Variants in C14orf39 observed in about 807,000 individuals in gnomAD.
C14orf39 encodes the protein protein SIX6OS1.
In C14orf39, 66 loss-of-function variants were observed where a neutral mutation model predicts 85.6. The observed-to-expected ratio is 0.77, with a 90% confidence interval of 0.63 to 0.95. The LOEUF (loss-of-function observed/expected upper bound fraction) is 0.95. Ranked by LOEUF, C14orf39 falls within the 40% of genes least tolerant of loss-of-function variation. C14orf39 has a pLI of 0.00. For synonymous variants in C14orf39, 242 were observed against 214.0 expected, an observed-to-expected ratio of 1.13 and a Z score of -1.14; for missense variants, 735 against 663.9, an observed-to-expected ratio of 1.11 and a Z score of -1.18.
Position 60,455,099 on chromosome 14 carries a change from A to C in C14orf39, c.1405T>G (p.Ser469Ala). 6.4e-7 allele frequency: 1 copy of C among 1,571,216 alleles called. No individual in the cohort carries two copies. Among genetic ancestry groups the C allele is most frequent in the Non-Finnish European group, 8.6e-7 (1 of 1,164,548 alleles). ...CTCATAAGAAAAGAAAGTCCAGGGG[A>C]TTCCTTTTCTGTTTGAACTTCAGGT... ...AVPEVQTEKESPGLSFLMSYT... is the reference protein window; with the variant it reads ...AVPEVQTEKEAPGLSFLMSYT... The change falls in exon 16 of 18, where the codon TCC (serine) becomes GCC (alanine). Residue 469 changes from serine to alanine, a missense_variant. By Grantham distance (99) the Ser-to-Ala change is moderately conservative. Coordinates refer to ENST00000321731, the MANE Select transcript of C14orf39 (RefSeq NM_174978.3).
chr14:60,448,005 A>G (rs947323202), intron 16 of C14orf39, among the ~76,000 whole-genome samples: 3 of 152,216 alleles, frequency 2.0e-5, no homozygotes, highest in Non-Finnish European at 4.4e-5. Context: ...GAAAGCTGAA[A>G]CTGGATCCCT....
chr14:60,478,241 A>G (rs11845369), intron 5 of C14orf39, 59 bp downstream of exon 5: 539,186 of 624,998 alleles, frequency 0.86, 236,202 homozygotes, highest in Non-Finnish European at 0.9. Context: ...ACATTCTTAC[A>G]CACCATGTCC....
intron 17 of C14orf39, among the ~76,000 whole-genome samples, chr14:60,438,677 T>G (rs1890369152): frequency 6.6e-6 from 1 of 152,068 alleles, no homozygotes; most frequent in African/African-American, 2.4e-5. Flanking sequence ...AAAGAAGAGA[T>G]ATTCAGAAAA....
chr14:60,443,565 C>T (rs992586098), intron 16 of C14orf39, among the ~76,000 whole-genome samples: 14 of 152,232 alleles, frequency 9.2e-5, no homozygotes, highest in African/African-American at 3.4e-4. Context: ...AGGCCTACTG[C>T]CTCTATAGAC....
At chr14:60,514,587 C>CGAA (rs1399494520) in intron 1 of C14orf39, among the ~76,000 whole-genome samples, 1 of 152,134 alleles carries the variant, frequency 6.6e-6, no homozygotes, top group African/African-American at 2.4e-5. Flanking sequence ...CCCTCCTTTC[C>CGAA]CTTCGCCAGT....
chr14:60,460,935 G>A (rs1017696031), intron 13 of C14orf39, among the ~76,000 whole-genome samples: 17 of 151,202 alleles, frequency 1.1e-4, no homozygotes, highest in African/African-American at 2.2e-4. Context: ...AGTAAATTAT[G>A]GCATATCCAC....
At chr14:60,513,832 A>G (rs190037400) in intron 1 of C14orf39, among the ~76,000 whole-genome samples, 1 of 152,372 alleles carries the variant, frequency 6.6e-6, no homozygotes, top group African/African-American at 2.4e-5. Flanking sequence ...TATTGCTTGG[A>G]CAAAAAGAGA....
chr14:60,454,334 G>A (rs1891168572), intron 16 of C14orf39, among the ~76,000 whole-genome samples: 1 of 151,752 alleles, frequency 6.6e-6, no homozygotes, highest in Admixed American at 6.6e-5. Flanking sequence ...TTTTCTAAGT[G>A]CTTTATGTGT....
At chr14:60,511,707 T>C (rs1303502285) in intron 1 of C14orf39, 1 of 243,386 alleles carries the variant, frequency 4.1e-6, no homozygotes, top group Non-Finnish European at 8.1e-6. Context: ...TCTCTGTAGC[T>C]TGGGGAACTT....
chr14:60,502,460 C>T (rs1362845028), intron 1 of C14orf39, among the ~76,000 whole-genome samples: 1 of 151,972 alleles, frequency 6.6e-6, no homozygotes, highest in African/African-American at 2.4e-5. Flanking sequence ...AAGATAAAAA[C>T]TAAATACTAA....
At chr14:60,482,984 G>A (rs1028777872) in intron 4 of C14orf39, among the ~76,000 whole-genome samples, 5 of 151,742 alleles carry the variant, frequency 3.3e-5, no homozygotes, top group Admixed American at 3.3e-4. Context: ...AGGATGACAG[G>A]GTAGGGGACG....
chr14:60,484,199 T>C lies in C14orf39; in HGVS notation c.107-382A>G, dbSNP rs1182022429. ...CCTTCTGTTTTTGACAAATGTGAAA[T>C]TTCTATTCATCAATTCTATGTCAAT... On this transcript the variant is annotated intron_variant, in intron 3 of 17. Transcript: ENST00000321731. The surrounding 1 kb of genome is among the most constrained non-coding windows in gnomAD (Gnocchi z 4.2). Among the ~76,000 whole-genome samples, 2 of 152,206 alleles carry C rather than the reference T, an allele frequency of 1.3e-5. No individual in the cohort carries two copies. Among genetic ancestry groups the C allele is most frequent in the African/African-American group, 4.8e-5 (2 of 41,442 alleles).
chr14:60,485,007 C>A, intron 2 of C14orf39, 23 bp downstream of exon 2: 1 of 1,591,396 alleles, frequency 6.3e-7, no homozygotes. Flanking sequence ...AAAAAGCTAC[C>A]TATTTTTTCA....
chr14:60,511,182 C>T lies in C14orf39; in HGVS notation c.-144+4213G>A, dbSNP rs200339406. Reference sequence around the variant, plus strand: ...CTGGGCGTCGCCACCAGCCCGGCCGCCAGTCTATCCAGCAAGGCGGCCACT... The same window carrying T: ...CTGGGCGTCGCCACCAGCCCGGCCGTCAGTCTATCCAGCAAGGCGGCCACT... On this transcript the variant is annotated intron_variant, in intron 1 of 5. Transcript: ENST00000556799. 2.5e-6 allele frequency: 4 copies of T among 1,613,028 alleles called. No homozygotes were observed. In the Admixed American group the frequency reaches 5.0e-5, roughly 20 times the overall value.
At chr14:60,490,237 T>C (rs1231004614), upstream of C14orf39, among the ~76,000 whole-genome samples, 1 of 152,124 alleles carries the variant, frequency 6.6e-6, no homozygotes, top group African/African-American at 2.4e-5. Context: ...AGACCTCTAG[T>C]ATCAATCCAA....
intron 10 of C14orf39, 22 bp from the exon 11 acceptor site, chr14:60,466,077 C>G (rs1413585343): frequency 8.3e-7 from 1 of 1,203,242 alleles, no homozygotes. Flanking sequence ...AATAGTACTA[C>G]TTTAAATCAA....
chr14:60,507,900 A>G (rs1245956712), intron 1 of C14orf39, among the ~76,000 whole-genome samples: 1 of 152,070 alleles, frequency 6.6e-6, no homozygotes, highest in Non-Finnish European at 1.5e-5. Flanking sequence ...ATTTTCTTCA[A>G]ACTAAACAAA....
Position 60,481,127 on chromosome 14 carries a change from A to G in C14orf39, c.233+2564T>C, listed in dbSNP as rs187560062. On this transcript the variant is annotated intron_variant, in intron 4 of 17. Transcript: ENST00000321731. ...TTTTTAATATTCTCATCACAAAAAAATAAGTTGGTAAGGTGATGAATATCT... is the reference window on the plus strand; with the variant it reads ...TTTTTAATATTCTCATCACAAAAAAGTAAGTTGGTAAGGTGATGAATATCT... Among the ~76,000 whole-genome samples the G allele has an allele frequency of 2.5e-4, 38 of 152,358 alleles. No individual in the cohort carries two copies. The East Asian group carries it at 7.1e-3, about 29-fold the overall frequency.
chr14:60,461,705 A>G (rs981061694), intron 11 of C14orf39, 112 bp from the exon 12 acceptor site: 1 of 555,440 alleles, frequency 1.8e-6, no homozygotes, highest in African/African-American at 1.9e-5. Context: ...CCTTTCCATC[A>G]TTACCATCAT....
Sources: allele counts gnomAD v4.1 joint callset (sites outside exome capture counted in the v4.1 genomes callset), GRCh38; gene constraint gnomAD v4.1.1; non-coding constraint Gnocchi (gnomAD v3.1); transcripts MANE v1.5; gene names NCBI Gene and HGNC (gene_info 2026-07-23, HGNC 2026-07-21).